The following YIPF4 variants were observed in gnomAD, a reference collection of about 807,000 sequenced individuals.
YIPF4 encodes protein YIPF4.
Under a neutral mutation model 29.4 loss-of-function variants are expected in YIPF4, and 18 were observed. The observed-to-expected ratio is 0.61, with a 90% CI of 0.42 to 0.91. The LOEUF is 0.91. Among genes scored for constraint, YIPF4 ranks in the 40% least tolerant of loss-of-function variants. YIPF4 has a pLI of 0.00. For synonymous variants in YIPF4, 115 were observed against 104.7 expected, an observed-to-expected ratio of 1.10 and a Z score of -0.60; for missense variants, 279 against 282.7, an observed-to-expected ratio of 0.99 and a Z score of 0.09.
intron 1 of YIPF4, among the ~76,000 whole-genome samples, chr2:32,282,517 C>T (rs1057006492): frequency 6.6e-6 from 1 of 152,148 alleles, no homozygotes; most frequent in Non-Finnish European, 1.5e-5. Context: ...ACTGCAACCT[C>T]TGCCTCCCGG....
Position 32,309,439 on chromosome 2 carries a change from A to G in YIPF4, c.*3813A>G, listed in dbSNP as rs997143764. 2.0e-5 allele frequency: 3 copies of G among 152,226 alleles called. No homozygotes were observed. Among genetic ancestry groups the G allele is most frequent in the Admixed American group, 1.3e-4 (2 of 15,270 alleles). 9.4% of individuals were successfully genotyped at this position (152,226 alleles called of 1,614,324 possible). ...AAGGGTATACTCAATCTGTATTAACATAGACTTCTAAATTAGTGAAAATTT... is the reference window on the plus strand; with the variant it reads ...AAGGGTATACTCAATCTGTATTAACGTAGACTTCTAAATTAGTGAAAATTT... On this transcript the variant is annotated 3_prime_UTR_variant, in exon 6 of 6. Transcript: ENST00000238831.
chr2:32,301,571 A>T, intron 5 of YIPF4, 76 bp downstream of exon 5: 1 of 975,822 alleles, frequency 1.0e-6, no homozygotes, highest in East Asian at 2.5e-5. Context: ...AGCTAGGAAT[A>T]TTGTGATATA....
intron 3 of YIPF4, among the ~76,000 whole-genome samples, chr2:32,295,770 AT>A (rs1258381088): frequency 6.6e-6 from 1 of 151,930 alleles, no homozygotes; most frequent in Admixed American, 6.6e-5. Flanking sequence ...CCCCCAGCTA[AT>A]TTTGTATTTT....
rs369394376 is a variant in YIPF4, at chr2:32,295,032, G to C, written c.405+2684G>C. ...GATGGCAGCAGTACAGTCCAGCTTC[G>C]GCTCGGCATCAGAGGGAGAGGGGGA... On this transcript the variant is annotated intron_variant, in intron 3 of 5. Transcript: ENST00000238831. 9.5e-3 allele frequency among the ~76,000 whole-genome samples: 1,434 copies of C among 150,854 alleles called. 18 individuals carry two copies. Among genetic ancestry groups the C allele is most frequent in the Admixed American group, 0.016 (241 of 15,146 alleles).
chr2:32,313,571 G>C lies in YIPF4; in HGVS notation c.*7945G>C, dbSNP rs2148971040. ...TTAGTAAAGACGGTTTCTCCATGTAGGCCAAGCGGGTCTTGAACTCCCAAC... is the reference window on the plus strand; with the variant it reads ...TTAGTAAAGACGGTTTCTCCATGTACGCCAAGCGGGTCTTGAACTCCCAAC... On this transcript the variant is annotated 3_prime_UTR_variant, in exon 6 of 6. Coordinates refer to ENST00000238831, the MANE Select transcript of YIPF4 (RefSeq NM_032312.4). 6.6e-6 allele frequency: 1 copy of C among 152,000 alleles called. No individual in the cohort carries two copies. The highest frequency in any genetic ancestry group is 1.9e-4 in the East Asian group (1 of 5,166). The allele number at this position is 152,000 out of a possible 1,614,324, so 9.4% of individuals were successfully genotyped here.
intron 1 of YIPF4, 33 bp downstream of exon 1, chr2:32,278,267 G>T: frequency 1.3e-6 from 2 of 1,528,762 alleles, no homozygotes; most frequent in Non-Finnish European, 1.8e-6. Flanking sequence ...GCTATCACCC[G>T]GAGGAAGCCA....
At chr2:32,282,473 C>T (rs902954286) in intron 1 of YIPF4, among the ~76,000 whole-genome samples, 9 of 152,162 alleles carry the variant, frequency 5.9e-5, no homozygotes, top group Non-Finnish European at 1.3e-4. Flanking sequence ...CGCCCTGTCG[C>T]CCAGGCTGGA....
Position 32,313,226 on chromosome 2 carries a change from T to C in YIPF4, c.*7600T>C, listed in dbSNP as rs1430477255. ...AGGCAAAGAAGGTAGGGAAGACTCTTTCAGATAGAATCGCAGTTTGTGAGT... is the reference window on the plus strand; with the variant it reads ...AGGCAAAGAAGGTAGGGAAGACTCTCTCAGATAGAATCGCAGTTTGTGAGT... On this transcript the variant is annotated 3_prime_UTR_variant, in exon 6 of 6. Transcript: ENST00000238831. The C allele has an allele frequency of 1.4e-4, 21 of 152,128 alleles. No individual in the cohort carries two copies. Among genetic ancestry groups the C allele is most frequent in the Admixed American group, 1.0e-3 (16 of 15,268 alleles). 9.4% of individuals were successfully genotyped at this position (152,128 alleles called of 1,614,324 possible). A position where few individuals can be genotyped will look rare whatever the true frequency, so the allele number is the denominator to read the frequency against.
intron 5 of YIPF4, among the ~76,000 whole-genome samples, chr2:32,301,872 AT>A (rs2031416469): frequency 1.3e-5 from 2 of 151,752 alleles, no homozygotes; most frequent in Admixed American, 1.3e-4. Context: ...TGCCTGGCTA[AT>A]TTTTTGTTTT....
rs761892725 is a variant in YIPF4, at chr2:32,305,549, A to C, written c.658A>C (p.Lys220Gln). The C allele has an allele frequency of 6.2e-7, 1 of 1,611,426 alleles. No homozygotes were observed. The highest frequency in any genetic ancestry group is 8.5e-7 in the Non-Finnish European group (1 of 1,178,818). The change falls in exon 6 of 6, where the codon AAG (lysine) becomes CAG (glutamine). Residue 220 changes from lysine (K) to glutamine (Q), a missense_variant. Coordinates refer to ENST00000238831, the MANE Select transcript of YIPF4 (RefSeq NM_032312.4). ...AASLLVGEEF[K>Q]TKKPLLIYPI... The stretch of plus-strand genomic sequence containing the variant: ...TTCATTGTTAGTGGGTGAAGAATTC[A>C]AGACCAAAAAGCCTCTTCTGATTTA...
rs748471494 is a variant in YIPF4 at position 32,290,616 on chromosome 2, T to G, written c.213T>G (p.Pro71=). 2 of 1,558,112 alleles carry G rather than the reference T, an allele frequency of 1.3e-6. No homozygotes were observed. Among genetic ancestry groups the G allele is most frequent in the South Asian group, 2.5e-5 (2 of 80,806 alleles). Residue 71 remains proline (P), a synonymous_variant, in exon 2 of 6, where the codon CCT becomes CCG. Transcript: ENST00000238831. ...TTCTGGAAGTTGAAGATGATGATCC[T>G]GAAGATAACAAGCCACTCTTGTATG... ...GWLLEVEDDD[P]EDNKPLLEEL...
rs186733152 is a variant in YIPF4 at position 32,294,378 on chromosome 2, C to T, written c.405+2030C>T. Among the ~76,000 whole-genome samples, 59 of 152,178 alleles carry T rather than the reference C, an allele frequency of 3.9e-4. 1 individual carries two copies. Among genetic ancestry groups the T allele is most frequent in the Admixed American group, 2.5e-3 (39 of 15,306 alleles). ...GGCGGCTGGGCAGAGATGCTCCTCA[C>T]CTCCCAGACGTGGTCGCGGCCGAGC... On this transcript the variant is annotated intron_variant, in intron 3 of 5. Coordinates refer to ENST00000238831, the MANE Select transcript of YIPF4 (RefSeq NM_032312.4).
chr2:32,289,704 C>T (rs533852209), intron 1 of YIPF4, among the ~76,000 whole-genome samples: 1 of 152,172 alleles, frequency 6.6e-6, no homozygotes, highest in East Asian at 1.9e-4. Context: ...ATCTGTAACC[C>T]CTGAGATACT....
chr2:32,294,480 A>C (rs867651583), intron 3 of YIPF4, among the ~76,000 whole-genome samples: 28 of 151,520 alleles, frequency 1.8e-4, no homozygotes, highest in African/African-American at 6.3e-4. Context: ...GCGGCCGGGC[A>C]GAGACGCTCC....
intron 3 of YIPF4, among the ~76,000 whole-genome samples, chr2:32,292,560 A>G (rs966778031): frequency 1.3e-5 from 2 of 152,180 alleles, no homozygotes; most frequent in African/African-American, 4.8e-5. Flanking sequence ...CATGATTCAC[A>G]TAGAAAGTAT....
At chr2:32,283,658 G>A (rs922452323) in intron 1 of YIPF4, among the ~76,000 whole-genome samples, 1 of 151,522 alleles carries the variant, frequency 6.6e-6, no homozygotes. Flanking sequence ...AGAACCCATG[G>A]TATAAATATC....
intron 1 of YIPF4, among the ~76,000 whole-genome samples, chr2:32,287,200 A>G (rs2030714690): frequency 6.6e-6 from 1 of 152,180 alleles, no homozygotes; most frequent in Non-Finnish European, 1.5e-5. Flanking sequence ...AGTTGTGATC[A>G]TGGCACTGCA....
rs2031838636 is a variant in YIPF4 at position 32,316,528 on chromosome 2, CTG to C, written c.*10906_*10907del. On this transcript the variant is annotated 3_prime_UTR_variant, in exon 6 of 6. Coordinates refer to ENST00000238831, the MANE Select transcript of YIPF4 (RefSeq NM_032312.4). ...CAATTGTTAAACTATTGAAATGCAT[CTG>C]TGTCAATGGTAAATAGTATTATTGT... 6.6e-6 allele frequency: 1 copy of C among 152,146 alleles called. No individual in the cohort carries two copies. The highest frequency in any genetic ancestry group is 1.5e-5 in the Non-Finnish European group (1 of 68,034). The allele number at this position is 152,146 out of a possible 1,614,324, so 9.4% of individuals were successfully genotyped here.
At chr2:32,289,606 T>G (rs1337006244) in intron 1 of YIPF4, among the ~76,000 whole-genome samples, 1 of 152,200 alleles carries the variant, frequency 6.6e-6, no homozygotes, top group Non-Finnish European at 1.5e-5. Context: ...AATGTGCTTT[T>G]TCTTTTTAAT....
Sources: gnomAD v4.1 joint callset for allele counts (sites outside exome capture counted in the v4.1 genomes callset) on GRCh38, gnomAD v4.1.1 for gene constraint, MANE v1.5 for transcripts, NCBI Gene and HGNC (gene_info 2026-07-23, HGNC 2026-07-21) for gene names.